ZNF536: variants seen among roughly 807,000 people sequenced by gnomAD.
The protein encoded by ZNF536 is zinc finger protein 536.
In ZNF536, 13 loss-of-function variants were observed where a neutral mutation model predicts 84.5. The ratio of observed to expected loss-of-function variants is 0.15; its 90% CI spans 0.10 to 0.24. The LOEUF (loss-of-function observed/expected upper bound fraction) is 0.24, where lower values mean the gene tolerates loss of function less well. Ranked by LOEUF, ZNF536 falls within the 10% of genes least tolerant of loss-of-function variation. The pLI is 1.00. For synonymous variants in ZNF536, 811 were observed against 742.5 expected (o/e 1.09, Z -1.50); for missense variants, 1,536 against 1,747.5 (o/e 0.88, Z 2.16).
intron 2 of ZNF536, among the ~76,000 whole-genome samples, chr19:30,310,841 G>T (rs1016518339): frequency 6.6e-6 from 1 of 152,192 alleles, no homozygotes; most frequent in Non-Finnish European, 1.5e-5. Context: ...GTTATCCAGG[G>T]TTCAAGTGCT....
chr19:30,236,526 G>A (rs576578376), intron 1 of ZNF536, among the ~76,000 whole-genome samples: 1,694 of 140,186 alleles, frequency 0.012, 18 homozygotes, highest in Non-Finnish European at 0.017. Context: ...GTTAAAGTTG[G>A]GGCGGGGGGG....
chr19:30,311,107 C>T (rs1024276927), intron 2 of ZNF536, among the ~76,000 whole-genome samples: 1 of 152,136 alleles, frequency 6.6e-6, no homozygotes, highest in East Asian at 1.9e-4. Flanking sequence ...TGGAGAGTGA[C>T]CACTGGCGCT....
chr19:30,407,031 G>A (rs1301473256), intron 1 of ZNF536, among the ~76,000 whole-genome samples: 4 of 152,160 alleles, frequency 2.6e-5, no homozygotes, highest in African/African-American at 9.6e-5. Flanking sequence ...TGCTTTTGCA[G>A]AAGTTGCTGC....
At chr19:30,538,624 C>A (rs1001127677) in intron 3 of ZNF536, among the ~76,000 whole-genome samples, 2 of 152,022 alleles carry the variant, frequency 1.3e-5, no homozygotes, top group African/African-American at 4.8e-5. Context: ...CTCAGGGGAC[C>A]AAGGGGAGGC....
chr19:30,443,518 C>G (rs990999147), intron 1 of ZNF536, 43 bp from the exon 2 acceptor site: 2 of 1,505,200 alleles, frequency 1.3e-6, no homozygotes, highest in African/African-American at 2.8e-5. Context: ...CATGGCGCCA[C>G]AGCCGCACCT....
chr19:30,258,027 C>T (rs1287408222), intron 1 of ZNF536, among the ~76,000 whole-genome samples: 1 of 152,210 alleles, frequency 6.6e-6, no homozygotes, highest in Non-Finnish European at 1.5e-5. Flanking sequence ...TTCCTAGTGT[C>T]TCCTCTTTGG....
In ZNF536 at chr19:30,549,429, C is replaced by T. The variant is rs2146256663; in HGVS notation, c.3810C>T (p.Ala1270=). Residue 1270 remains alanine (A), a synonymous_variant, in exon 4 of 5, where the codon GCC becomes GCT. Transcript: ENST00000355537. ...KPMNMLSVLR[A]YSSDGLAAFN... is the part of the protein sequence containing the mutation. The stretch of plus-strand genomic sequence containing the variant: ...TGAACATGCTGTCGGTCCTCAGGGC[C>T]TACAGTTCTGATGGCTTAGCAGCCT... 6.4e-7 allele frequency: 1 copy of T among 1,570,452 alleles called. No homozygotes were observed. Among genetic ancestry groups the T allele is most frequent in the Non-Finnish European group, 8.6e-7 (1 of 1,159,744 alleles).
intron 1 of ZNF536, among the ~76,000 whole-genome samples, chr19:30,376,836 C>T (rs540208209): frequency 6.6e-6 from 1 of 152,338 alleles, no homozygotes; most frequent in Admixed American, 6.5e-5. Context: ...CATGTGCCTC[C>T]CCCTGCCCCG....
At chr19:30,437,570 CA>C (rs1365882417) in intron 1 of ZNF536, among the ~76,000 whole-genome samples, 2 of 152,086 alleles carry the variant, frequency 1.3e-5, no homozygotes, top group Non-Finnish European at 2.9e-5. Flanking sequence ...AGGTGCAGCA[CA>C]GGGGTTTCCA....
At position 30,228,686 on chromosome 19, in the gene ZNF536, C is replaced by T. The variant is rs1555769846; in HGVS notation, c.-190+13C>T. 4 of 151,532 alleles carry T rather than the reference C, an allele frequency of 2.6e-5. No individual in the cohort carries two copies. Among genetic ancestry groups the T allele is most frequent in the Non-Finnish European group, 2.9e-5 (2 of 67,856 alleles). 9.4% of individuals were successfully genotyped at this position (151,532 alleles called of 1,614,324 possible). ...AAGCAAGTGCCAAGTAAGTGCCCTG[C>T]GGTGGCCTCGGCGCGCCCCGGGGTG... On this transcript the variant is annotated intron_variant, in intron 1 of 5. Coordinates refer to the ZNF536 transcript ENST00000585628. This position sits in a 1 kb window ranked among gnomAD's most constrained non-coding sequence, Gnocchi z 4.5.
rs183948901 is a variant in ZNF536 at position 30,580,712 on chromosome 19, G to A, written c.169+31198G>A. Reference sequence around the variant, plus strand: ...CCTGTGTGGAGCTGCAGAAACAATAGGGTCTCGAGGAAATTCCAGCTCATC... The same window carrying A: ...CCTGTGTGGAGCTGCAGAAACAATAAGGTCTCGAGGAAATTCCAGCTCATC... On this transcript the variant is annotated intron_variant, in intron 1 of 1. Coordinates refer to the ZNF536 transcript ENST00000592773. Among the ~76,000 whole-genome samples, 10 of 152,272 alleles carry A rather than the reference G, an allele frequency of 6.6e-5. No homozygotes were observed. The East Asian group carries it at 1.7e-3, about 26-fold the overall frequency.
chr19:30,452,015 A>G (rs1174995016), intron 2 of ZNF536, among the ~76,000 whole-genome samples: 1 of 152,250 alleles, frequency 6.6e-6, no homozygotes. Flanking sequence ...TTCCAGGCTC[A>G]GGTCTTGACC....
At position 30,428,897 on chromosome 19, in the gene ZNF536, C is replaced by T. The variant is rs142015280; in HGVS notation, c.-2-14664C>T. 1.7e-3 allele frequency among the ~76,000 whole-genome samples: 254 copies of T among 152,268 alleles called. 3 individuals are homozygous for T. The highest frequency in any genetic ancestry group is 5.9e-3 in the African/African-American group (246 of 41,548). The stretch of plus-strand genomic sequence containing the variant: ...GGTTCAAGATCAGGGTTTGGCTATG[C>T]GGTCCCTCCCTGTCAGGTGGGCCTC... On this transcript the variant is annotated intron_variant, in intron 1 of 4. Coordinates refer to ENST00000355537, the MANE Select transcript of ZNF536 (RefSeq NM_014717.3).
At chr19:30,279,865 C>A (rs917580790) in intron 1 of ZNF536, among the ~76,000 whole-genome samples, 4 of 152,230 alleles carry the variant, frequency 2.6e-5, no homozygotes, top group Non-Finnish European at 5.9e-5. Flanking sequence ...CTGGCTTTCT[C>A]TCCAAATCCT....
At chr19:30,277,455 C>T (rs186295061) in intron 1 of ZNF536, among the ~76,000 whole-genome samples, 12 of 152,240 alleles carry the variant, frequency 7.9e-5, no homozygotes, top group Admixed American at 3.3e-4. Context: ...GCATTTAGAT[C>T]GAACAGGTAT....
intron 2 of ZNF536, among the ~76,000 whole-genome samples, chr19:30,322,504 T>C (rs1231535630): frequency 6.6e-6 from 1 of 152,172 alleles, no homozygotes; most frequent in Non-Finnish European, 1.5e-5. Flanking sequence ...GCAGGCGCCT[T>C]CTTGGGAGGG....
At chr19:30,462,301 T>A (rs1224346984) in intron 2 of ZNF536, among the ~76,000 whole-genome samples, 1 of 110,572 alleles carries the variant, frequency 9.0e-6, no homozygotes, top group African/African-American at 5.0e-5. Flanking sequence ...TTTGTGTGTG[T>A]GAGTGTGTGT....
At chr19:30,383,333 G>C (rs1160008738) in intron 1 of ZNF536, among the ~76,000 whole-genome samples, 1 of 152,064 alleles carries the variant, frequency 6.6e-6, no homozygotes, top group South Asian at 2.1e-4. Context: ...ATGCAACTCA[G>C]GTTTTCAAGA....
intron 1 of ZNF536, among the ~76,000 whole-genome samples, chr19:30,396,443 C>T (rs1001377769): frequency 6.6e-6 from 1 of 152,178 alleles, no homozygotes; most frequent in Non-Finnish European, 1.5e-5. Context: ...TTTGTCTCTT[C>T]CATCCATCTT....
Sources: gnomAD v4.1 joint callset for allele counts (sites outside exome capture counted in the v4.1 genomes callset) on GRCh38, gnomAD v4.1.1 for gene constraint, Gnocchi (gnomAD v3.1) non-coding constraint, MANE v1.5 for transcripts, NCBI Gene and HGNC (gene_info 2026-07-23, HGNC 2026-07-21) for gene names.